Variants in CDC42SE2 observed in about 807,000 individuals in gnomAD.
CDC42SE2 encodes CDC42 small effector protein 2.
CDC42SE2 carries 3 observed loss-of-function variants against 11.5 expected under a neutral mutation model. That is an observed-to-expected ratio of 0.26 (90% CI 0.12 to 0.67). CDC42SE2 has a LOEUF of 0.67. CDC42SE2 is among the 30% of genes least tolerant of loss of function. The pLI is 0.80. For missense variants in CDC42SE2, 82 were observed against 106.8 expected, an observed-to-expected ratio of 0.77 and a Z score of 1.02; for synonymous variants, 33 against 34.8, an observed-to-expected ratio of 0.95 and a Z score of 0.18.
Position 131,392,715 on chromosome 5 carries a change from T to TTA in CDC42SE2, c.*1626_*1627dup, listed in dbSNP as rs1162701131. 6.6e-6 allele frequency: 1 copy of TTA among 152,372 alleles called. No individual in the cohort carries two copies. 9.4% of individuals were successfully genotyped at this position (152,372 alleles called of 1,614,324 possible). ...CAGTCCAATCCTGAGCATCTTCATC[T>TTA]TATTAATTAGCTGTTCGTTTCTTTG... is the stretch of plus-strand genomic sequence containing the variant. On this transcript the variant is annotated 3_prime_UTR_variant, in exon 5 of 5. Transcript: ENST00000505065.
intron 1 of CDC42SE2, among the ~76,000 whole-genome samples, chr5:131,288,036 G>A (rs1415800088): frequency 6.6e-6 from 1 of 152,010 alleles, no homozygotes; most frequent in Non-Finnish European, 1.5e-5. Context: ...ATGAGCCCAG[G>A]AGTTTGAGAC....
chr5:131,252,059 TGGAAGGAAGGAA>T lies in CDC42SE2; in HGVS notation n.108-2995_108-2984del, dbSNP rs60052435. On this transcript the variant is annotated intron_variant and non_coding_transcript_variant, in intron 1 of 3. Coordinates refer to the CDC42SE2 transcript ENST00000502840. ...AAGAGAGAAAGAAAAAGAGAATGAG[TGGAAGGAAGGAA>T]GGAAGGAAGGAAGGAAGGAAGGAAG... Among the ~76,000 whole-genome samples the T allele has an allele frequency of 5.7e-3, 671 of 118,086 alleles. 9 individuals are homozygous for T. The highest frequency in any genetic ancestry group is 0.019 in the African/African-American group (637 of 33,198). The allele number at this position is 118,086 out of a possible 152,430, so 77.5% of individuals were successfully genotyped here. A position where few individuals can be genotyped will look rare whatever the true frequency, so the allele number is the denominator to read the frequency against.
chr5:131,365,087 C>T (rs1268759777), intron 3 of CDC42SE2, among the ~76,000 whole-genome samples: 1 of 151,976 alleles, frequency 6.6e-6, no homozygotes, highest in Non-Finnish European at 1.5e-5. Flanking sequence ...GTCAGGAGTT[C>T]GAGACCAGCC....
upstream of CDC42SE2, among the ~76,000 whole-genome samples, chr5:131,243,296 T>C (rs1756554443): frequency 6.6e-6 from 1 of 152,174 alleles, no homozygotes; most frequent in Admixed American, 6.5e-5. Context: ...TTAATAATTT[T>C]TGGCCGGGCG....
chr5:131,372,897 C>T (rs1252217767), intron 3 of CDC42SE2, among the ~76,000 whole-genome samples: 1 of 152,128 alleles, frequency 6.6e-6, no homozygotes, highest in Non-Finnish European at 1.5e-5. Context: ...AAGTGCTTAG[C>T]AGAGTGCATG....
rs139594597 is a variant in CDC42SE2 at position 131,323,967 on chromosome 5, A to T, written c.-286+7823A>T. Among the ~76,000 whole-genome samples the T allele has an allele frequency of 2.0e-5, 3 of 152,170 alleles. No homozygotes were observed. The East Asian group carries it at 5.8e-4, about 29-fold the overall frequency. ...GGAAAGGAATGTAAATTGTCTTTAA[A>T]TTTTTTCCTGCTTTTTCAAGAAAAT... On this transcript the variant is annotated intron_variant, in intron 2 of 4. Coordinates refer to ENST00000505065, the MANE Select transcript of CDC42SE2 (RefSeq NM_001375635.1).
intron 1 of CDC42SE2, among the ~76,000 whole-genome samples, chr5:131,288,704 T>A (rs1757391295): frequency 6.6e-6 from 1 of 152,230 alleles, no homozygotes; most frequent in African/African-American, 2.4e-5. Flanking sequence ...ATTTTTAGCT[T>A]CTGGTACCAT....
At chr5:131,311,638 G>A (rs561886682) in intron 1 of CDC42SE2, among the ~76,000 whole-genome samples, 12 of 152,166 alleles carry the variant, frequency 7.9e-5, no homozygotes, top group African/African-American at 1.7e-4. Flanking sequence ...GACTTTGCTC[G>A]TTTCTTTTTA....
intron 1 of CDC42SE2, among the ~76,000 whole-genome samples, chr5:131,246,194 G>A (rs1052625872): frequency 3.9e-5 from 6 of 152,142 alleles, no homozygotes; most frequent in South Asian, 2.1e-4. Context: ...GGTGGCTCAC[G>A]CCTGCAATCC....
chr5:131,268,869 G>C (rs1756933626), intron 1 of CDC42SE2, among the ~76,000 whole-genome samples: 1 of 146,692 alleles, frequency 6.8e-6, no homozygotes, highest in African/African-American at 2.5e-5. Flanking sequence ...TCCTCCCTCA[G>C]CCTCTCGAGT....
intron 1 of CDC42SE2, among the ~76,000 whole-genome samples, chr5:131,309,220 T>A (rs1161337326): frequency 6.6e-6 from 1 of 152,112 alleles, no homozygotes; most frequent in Non-Finnish European, 1.5e-5. Context: ...GTTTTTGTCT[T>A]TGGCTCTCTT....
chr5:131,247,892 T>G (rs1341370377), intron 1 of CDC42SE2, among the ~76,000 whole-genome samples: 1 of 152,106 alleles, frequency 6.6e-6, no homozygotes, highest in East Asian at 1.9e-4. Flanking sequence ...CTTCCTGCCT[T>G]GGCCTCCCAA....
At chr5:131,258,871 G>A (rs572265211) in intron 2 of CDC42SE2, among the ~76,000 whole-genome samples, 1 of 152,274 alleles carries the variant, frequency 6.6e-6, no homozygotes, top group East Asian at 1.9e-4. Context: ...CAAAGACCAT[G>A]CTTTATACTG....
intron 2 of CDC42SE2, among the ~76,000 whole-genome samples, chr5:131,349,130 A>C (rs1261538959): frequency 6.6e-6 from 1 of 152,320 alleles, no homozygotes; most frequent in Non-Finnish European, 1.5e-5. Context: ...AAAAGCCAAA[A>C]TTGACAAATG....
intron 2 of CDC42SE2, among the ~76,000 whole-genome samples, chr5:131,332,120 C>G (rs1357819227): frequency 6.6e-6 from 1 of 152,076 alleles, no homozygotes; most frequent in Admixed American, 6.6e-5. Context: ...CTCCCCACTC[C>G]CCCCACTCCA....
chr5:131,375,123 A>G (rs1750116031), intron 3 of CDC42SE2, among the ~76,000 whole-genome samples: 1 of 151,864 alleles, frequency 6.6e-6, no homozygotes, highest in Admixed American at 6.6e-5. Context: ...ATAGAAGGAG[A>G]AAAAAACTGT....
chr5:131,276,252 G>T (rs1465486226), intron 1 of CDC42SE2, among the ~76,000 whole-genome samples: 1 of 144,624 alleles, frequency 6.9e-6, no homozygotes, highest in Non-Finnish European at 1.5e-5. Flanking sequence ...TTCGAGACCA[G>T]TCTGGGCAAC....
At chr5:131,272,715 A>G (rs1757019402) in intron 1 of CDC42SE2, among the ~76,000 whole-genome samples, 1 of 152,252 alleles carries the variant, frequency 6.6e-6, no homozygotes, top group Non-Finnish European at 1.5e-5. Flanking sequence ...CAAATGCCAC[A>G]TCTTCCTTTA....
At chr5:131,359,695 G>C (rs985847944) in intron 3 of CDC42SE2, 148 bp downstream of exon 3, 2 of 685,130 alleles carry the variant, frequency 2.9e-6, no homozygotes, top group Non-Finnish European at 5.3e-6. Context: ...CCGAACATAT[G>C]TTTAAAAAGA....
Sources: gnomAD v4.1 joint callset for allele counts (sites outside exome capture counted in the v4.1 genomes callset) on GRCh38, gnomAD v4.1.1 for gene constraint, MANE v1.5 for transcripts, NCBI Gene and HGNC (gene_info 2026-07-23, HGNC 2026-07-21) for gene names.